The following CD84 variants were observed in gnomAD, a reference collection of about 807,000 sequenced individuals.
The protein encoded by CD84 is SLAM family member 5.
CD84 carries 22 observed loss-of-function variants against 33.8 expected under a neutral mutation model. The ratio of observed to expected loss-of-function variants is 0.65; its 90% CI spans 0.46 to 0.93. CD84 has a LOEUF of 0.93. Ranked by LOEUF, CD84 falls within the 40% of genes least tolerant of loss-of-function variation. CD84 has a pLI of 0.00. For synonymous variants in CD84, 154 were observed against 145.2 expected, an observed-to-expected ratio of 1.06 and a Z score of -0.44; for missense variants, 400 against 397.6, an observed-to-expected ratio of 1.01 and a Z score of -0.05.
chr1:160,565,495 C>G lies in CD84; in HGVS notation c.297G>C (p.Leu99=), dbSNP rs181715225. 1.1e-5 allele frequency: 17 copies of G among 1,613,994 alleles called. No individual in the cohort carries two copies. The Admixed American group carries it at 2.5e-4, about 24-fold the overall frequency. Residue 99 remains leucine (L), a synonymous_variant, in exon 2 of 7, where the codon CTG becomes CTC. Transcript: ENST00000368054. The part of the protein sequence containing the change: ...GPNYNLVISD[L]RMEDAGDYKA... ...TGTAGTCTCCTGCGTCTTCCATCCT[C>G]AGATCGCTAATGACCAGATTGTAGT...
At position 160,544,688 on chromosome 1, in the gene CD84, C is replaced by T. The variant is rs1298962328; in HGVS notation, c.*3568G>A. ...CAAGCTGGCCCAACCAGGCTATTCC[C>T]TCATAGCCTGTGTAGTTTACAGTGT... On this transcript the variant is annotated 3_prime_UTR_variant, in exon 7 of 7. Coordinates refer to ENST00000368054, the MANE Select transcript of CD84 (RefSeq NM_003874.4). 1 of 152,154 alleles carries T rather than the reference C, an allele frequency of 6.6e-6. No homozygotes were observed. 9.4% of individuals were successfully genotyped at this position (152,154 alleles called of 1,614,324 possible).
At chr1:160,554,215 G>T in intron 2 of CD84, 69 bp from the exon 3 acceptor site, 2 of 1,341,322 alleles carry the variant, frequency 1.5e-6, no homozygotes, top group Non-Finnish European at 9.6e-7. Flanking sequence ...GGAGCCAATT[G>T]TTAAATTCTC....
chr1:160,579,333 G>A, intron 1 of CD84, 59 bp downstream of exon 1: 1 of 1,610,808 alleles, frequency 6.2e-7, no homozygotes, highest in Non-Finnish European at 8.5e-7. Flanking sequence ...TCTTCCTTAA[G>A]GGCAATTTTT....
rs923628114 is a variant in CD84 at position 160,555,028 on chromosome 1, A to G, written c.389-882T>C. ...TTTATATATATATATGAATACACAC[A>G]CCCAATTAAGAGCTAATTAAATATT... On this transcript the variant is annotated intron_variant, in intron 2 of 6. Coordinates refer to ENST00000368054, the MANE Select transcript of CD84 (RefSeq NM_003874.4). Among the ~76,000 whole-genome samples the G allele has an allele frequency of 2.6e-5, 4 of 151,904 alleles. No individual in the cohort carries two copies. In the East Asian group the frequency reaches 7.7e-4, roughly 29 times the overall value.
rs775056639 is a variant in CD84 at position 160,553,887 on chromosome 1, C to T, written c.640+8G>A. On this transcript the variant is annotated splice_region_variant and intron_variant, in intron 3 of 6. Transcript: ENST00000368054. ...GACTCACCAGGAGAGATGGGCAGAG[C>T]TGGTTACCTGCACAGAGCTGCCGGG... 4 of 1,614,178 alleles carry T rather than the reference C, an allele frequency of 2.5e-6. No homozygotes were observed. In the Admixed American group the frequency reaches 6.7e-5, roughly 27 times the overall value.
chr1:160,558,376 A>C (rs1656745715), intron 2 of CD84, among the ~76,000 whole-genome samples: 1 of 152,218 alleles, frequency 6.6e-6, no homozygotes, highest in African/African-American at 2.4e-5. Context: ...GACCCTCAGC[A>C]AACTGCAACA....
At chr1:160,560,118 C>T (rs946226526) in intron 2 of CD84, among the ~76,000 whole-genome samples, 4 of 152,038 alleles carry the variant, frequency 2.6e-5, no homozygotes, top group African/African-American at 9.7e-5. Flanking sequence ...TATTCAGAAC[C>T]TAAACTCAGC....
intron 1 of CD84, among the ~76,000 whole-genome samples, chr1:160,569,501 G>A (rs1005804286): frequency 6.8e-6 from 1 of 147,014 alleles, no homozygotes; most frequent in Non-Finnish European, 1.5e-5. Context: ...TTTGATACCC[G>A]GTTAGGGAAA....
At chr1:160,550,707 A>T in intron 5 of CD84, 1 of 985,252 alleles carries the variant, frequency 1.0e-6, no homozygotes, top group Non-Finnish European at 1.2e-6. Flanking sequence ...ACTGTGGGAC[A>T]CTCAGTGCCT....
At position 160,553,962 on chromosome 1, in the gene CD84, G is replaced by A. The variant is rs1656426382; in HGVS notation, c.573C>T (p.Tyr191=). The change falls in exon 3 of 7, where the codon TAC becomes TAT. Residue 191 remains tyrosine (Y), a synonymous_variant. Coordinates refer to ENST00000368054, the MANE Select transcript of CD84 (RefSeq NM_003874.4). ...TGACAGGGTTCTGGGCTGTACACGT[G>A]TAAGTCAGCTCTTGGTCCTCAGGAG... ...FQTPEDQELT[Y]TCTAQNPVSN... 1 of 1,614,096 alleles carries A rather than the reference G, an allele frequency of 6.2e-7. No individual in the cohort carries two copies. Among genetic ancestry groups the A allele is most frequent in the Non-Finnish European group, 8.5e-7 (1 of 1,180,042 alleles).
At chr1:160,565,823 T>A in intron 1 of CD84, 78 bp from the exon 2 acceptor site, 2 of 1,265,152 alleles carry the variant, frequency 1.6e-6, no homozygotes, top group Non-Finnish European at 2.1e-6. Context: ...GCCTTGGAGC[T>A]CCCTGAGGAG....
chr1:160,550,074 T>C, intron 5 of CD84, 95 bp from the exon 6 acceptor site: 1 of 874,688 alleles, frequency 1.1e-6, no homozygotes, highest in Admixed American at 1.9e-5. Flanking sequence ...CCTTCCCTGG[T>C]CCCACATTTA....
intron 2 of CD84, among the ~76,000 whole-genome samples, chr1:160,564,887 A>C (rs1657220401): frequency 6.6e-6 from 1 of 152,220 alleles, no homozygotes; most frequent in Non-Finnish European, 1.5e-5. Flanking sequence ...ACATACTCAC[A>C]CATAAATGAA....
At chr1:160,568,688 T>G (rs1657481101) in intron 1 of CD84, among the ~76,000 whole-genome samples, 1 of 152,214 alleles carries the variant, frequency 6.6e-6, no homozygotes, top group Non-Finnish European at 1.5e-5. Flanking sequence ...TGGAGTGATC[T>G]TGGCTCACTG....
At chr1:160,561,248 T>C (rs80349382) in intron 2 of CD84, among the ~76,000 whole-genome samples, 7,582 of 152,224 alleles carry the variant, frequency 0.05, 640 homozygotes, top group African/African-American at 0.17. Flanking sequence ...TTAATGAACA[T>C]TGATGCAGAA....
chr1:160,553,655 G>C, intron 3 of CD84, 158 bp from the exon 4 acceptor site: 6 of 1,008,330 alleles, frequency 6.0e-6, no homozygotes, highest in African/African-American at 1.6e-5. Flanking sequence ...TAAAAGCCAG[G>C]ATGAGAAATT....
intron 4 of CD84, among the ~76,000 whole-genome samples, chr1:160,552,356 C>G (rs1656289768): frequency 6.6e-6 from 1 of 152,162 alleles, no homozygotes; most frequent in Admixed American, 6.5e-5. Context: ...TCCCCTCCCC[C>G]CTAGAATGCC....
chr1:160,552,615 G>A, intron 4 of CD84: 4 of 847,136 alleles, frequency 4.7e-6, no homozygotes, highest in Non-Finnish European at 7.9e-6. Context: ...TAGACTGACT[G>A]CAAATCACGT....
chr1:160,552,804 T>C, intron 4 of CD84: 1 of 1,264,506 alleles, frequency 7.9e-7, no homozygotes, highest in Non-Finnish European at 1.1e-6. Flanking sequence ...TTTATTGTGA[T>C]TGGTGGGAAA....
Sources: allele counts gnomAD v4.1 joint callset (sites outside exome capture counted in the v4.1 genomes callset), GRCh38; gene constraint gnomAD v4.1.1; transcripts MANE v1.5; gene names NCBI Gene and HGNC (gene_info 2026-07-23, HGNC 2026-07-21).